KCNIP3: variants seen among roughly 807,000 people sequenced by gnomAD.
KCNIP3 encodes the protein potassium voltage-gated channel interacting protein 3.
Under a neutral mutation model 35.0 loss-of-function variants are expected in KCNIP3, and 28 were observed. That is an observed-to-expected ratio of 0.80 (90% confidence interval 0.59 to 1.10). The LOEUF is 1.10. Ranked by LOEUF, KCNIP3 falls within the 50% of genes least tolerant of loss-of-function variation. The probability of loss-of-function intolerance (pLI) is 0.00; values close to 1 mark genes in which losing one functional copy is unlikely to be tolerated. For synonymous variants in KCNIP3, 134 were observed against 133.8 expected (o/e 1.00, Z -0.01); for missense variants, 295 against 338.4 (o/e 0.87, Z 1.01).
intron 2 of KCNIP3, among the ~76,000 whole-genome samples, chr2:95,363,676 G>C (rs1406624941): frequency 6.6e-6 from 1 of 152,010 alleles, no homozygotes; most frequent in Non-Finnish European, 1.5e-5. Flanking sequence ...GATTACTTTG[G>C]GGAGAAATGA....
Position 95,385,702 on chromosome 2 carries a change from G to T in KCNIP3, c.*1653G>T, listed in dbSNP as rs768764818. ...ACAGCCTGGCCTCCCCTGCGGAGCTGCATGGACGCCTGGCTCCAGGCTCCA... is the reference window on the plus strand; with the variant it reads ...ACAGCCTGGCCTCCCCTGCGGAGCTTCATGGACGCCTGGCTCCAGGCTCCA... On this transcript the variant is annotated 3_prime_UTR_variant, in exon 9 of 9. Coordinates refer to ENST00000295225, the MANE Select transcript of KCNIP3 (RefSeq NM_013434.5). 2.6e-5 allele frequency: 4 copies of T among 152,876 alleles called. No individual in the cohort carries two copies. In the Middle Eastern group the frequency reaches 0.01, roughly 390 times the overall value. 9.5% of individuals were successfully genotyped at this position (152,876 alleles called of 1,614,324 possible).
At chr2:95,357,888 T>C (rs1347449265) in intron 2 of KCNIP3, among the ~76,000 whole-genome samples, 1 of 152,218 alleles carries the variant, frequency 6.6e-6, no homozygotes, top group East Asian at 1.9e-4. Flanking sequence ...GCCAGCTGTG[T>C]CCACCCCTGG....
intron 2 of KCNIP3, among the ~76,000 whole-genome samples, chr2:95,346,448 G>C (rs1453411301): frequency 6.6e-6 from 1 of 150,670 alleles, no homozygotes; most frequent in East Asian, 1.9e-4. Context: ...CGTGCCGGGC[G>C]GGGCGGGGCC....
intron 2 of KCNIP3, among the ~76,000 whole-genome samples, chr2:95,328,952 G>A (rs1678856605): frequency 6.6e-6 from 1 of 152,184 alleles, no homozygotes; most frequent in South Asian, 2.1e-4. Context: ...GGAAGGAAGA[G>A]GGGAGCTGCA....
intron 1 of KCNIP3, chr2:95,299,060 C>T (rs1341185183): frequency 6.6e-6 from 1 of 152,290 alleles, no homozygotes; most frequent in Non-Finnish European, 1.5e-5. Flanking sequence ...CTTGGCCACT[C>T]CTGCCCCTGC....
At chr2:95,310,860 G>A in intron 2 of KCNIP3, 1 of 363,538 alleles carries the variant, frequency 2.8e-6, no homozygotes, top group Non-Finnish European at 5.2e-6. Context: ...AGTAAGCCGG[G>A]GCACCTCATT....
chr2:95,330,003 C>G (rs542803314), intron 2 of KCNIP3, among the ~76,000 whole-genome samples: 4 of 152,366 alleles, frequency 2.6e-5, no homozygotes, highest in Admixed American at 2.0e-4. Context: ...AGATCCTGGC[C>G]TCCCTGCCCT....
At position 95,384,081 on chromosome 2, in the gene KCNIP3, A is replaced by G. The variant is rs1367635069; in HGVS notation, c.*32A>G. ...TCCAAAGGAGTGCATGGCCACAGCC[A>G]CCTCCACCCCCAAGAAACCTCCATC... On this transcript the variant is annotated 3_prime_UTR_variant, in exon 9 of 9. Coordinates refer to ENST00000295225, the MANE Select transcript of KCNIP3 (RefSeq NM_013434.5). The G allele has an allele frequency of 3.1e-6, 5 of 1,606,842 alleles. No individual in the cohort carries two copies. Among genetic ancestry groups the G allele is most frequent in the South Asian group, 1.1e-5 (1 of 90,870 alleles).
intron 4 of KCNIP3, 62 bp from the exon 5 acceptor site, chr2:95,375,076 G>A: frequency 6.4e-7 from 1 of 1,568,562 alleles, no homozygotes. Context: ...GGGTTGCCTG[G>A]GGTGGGAGAT....
At chr2:95,300,742 C>A (rs1318087323) in intron 1 of KCNIP3, among the ~76,000 whole-genome samples, 2 of 152,208 alleles carry the variant, frequency 1.3e-5, no homozygotes, top group Non-Finnish European at 2.9e-5. Context: ...AGCAAGGGGA[C>A]CTGCAGAGTT....
At chr2:95,324,005 G>GGGGAGGCAGA (rs1678659347) in intron 2 of KCNIP3, among the ~76,000 whole-genome samples, 1 of 152,172 alleles carries the variant, frequency 6.6e-6, no homozygotes, top group Non-Finnish European at 1.5e-5. Flanking sequence ...CTGATGGGGC[G>GGGGAGGCAGA]GGGAGGCAGA....
At chr2:95,380,670 C>T (rs1476767722) in intron 5 of KCNIP3, among the ~76,000 whole-genome samples, 1 of 152,160 alleles carries the variant, frequency 6.6e-6, no homozygotes, top group Non-Finnish European at 1.5e-5. Context: ...TAAAGTTTCC[C>T]ATGCCAAAGG....
intron 2 of KCNIP3, among the ~76,000 whole-genome samples, chr2:95,333,744 C>T (rs1306988907): frequency 6.6e-6 from 1 of 152,136 alleles, no homozygotes; most frequent in Non-Finnish European, 1.5e-5. Flanking sequence ...TTATTATTAC[C>T]CAATTCCCTC....
rs1461213132 is a variant in KCNIP3, at chr2:95,377,583, C to T, written c.447+2375C>T. Among the ~76,000 whole-genome samples the T allele has an allele frequency of 1.3e-5, 2 of 152,264 alleles. No individual in the cohort carries two copies. Among genetic ancestry groups the T allele is most frequent in the African/African-American group, 4.8e-5 (2 of 41,480 alleles). On this transcript the variant is annotated intron_variant, in intron 5 of 8. Coordinates refer to ENST00000295225, the MANE Select transcript of KCNIP3 (RefSeq NM_013434.5). The surrounding 1 kb of genome is among the most constrained non-coding windows in gnomAD (Gnocchi z 4.7). ...CGTAGAACAGAGGCTGTGGATGTGA[C>T]AGGGTTCCTACACTTTGGCATTCAG...
chr2:95,319,931 CAAGG>C (rs1573487170), intron 2 of KCNIP3, among the ~76,000 whole-genome samples: 2 of 152,148 alleles, frequency 1.3e-5, no homozygotes, highest in Non-Finnish European at 2.9e-5. Flanking sequence ...CATCTCAGAA[CAAGG>C]GAGGGAGGGC....
At chr2:95,356,428 C>T (rs1197586721) in intron 2 of KCNIP3, among the ~76,000 whole-genome samples, 3 of 152,158 alleles carry the variant, frequency 2.0e-5, no homozygotes, top group Non-Finnish European at 4.4e-5. Flanking sequence ...TCGCCCATGC[C>T]TATGTCCTGA....
chr2:95,298,314 A>G (rs1408062984), intron 1 of KCNIP3, among the ~76,000 whole-genome samples: 4 of 152,170 alleles, frequency 2.6e-5, no homozygotes, highest in Non-Finnish European at 5.9e-5. Context: ...AGAAGTCCAG[A>G]GGGGCAGTGG....
intron 2 of KCNIP3, among the ~76,000 whole-genome samples, chr2:95,321,215 G>A (rs546423180): frequency 7.9e-5 from 12 of 152,214 alleles, no homozygotes; most frequent in African/African-American, 1.4e-4. Flanking sequence ...TCACAGAGCC[G>A]GTTTCGCAGC....
intron 5 of KCNIP3, among the ~76,000 whole-genome samples, chr2:95,381,295 G>C (rs912683724): frequency 1.9e-4 from 29 of 151,836 alleles, no homozygotes; most frequent in African/African-American, 5.6e-4. Flanking sequence ...GCACACACAG[G>C]TGCACACCCT....
Sources: gnomAD v4.1 joint callset for allele counts (sites outside exome capture counted in the v4.1 genomes callset) on GRCh38, gnomAD v4.1.1 for gene constraint, Gnocchi (gnomAD v3.1) non-coding constraint, MANE v1.5 for transcripts, NCBI Gene and HGNC (gene_info 2026-07-23, HGNC 2026-07-21) for gene names.